NIT2: variants seen among roughly 807,000 people sequenced by gnomAD.
NIT2 encodes omega-amidase NIT2.
NIT2 carries 46 observed loss-of-function variants against 42.7 expected under a neutral mutation model. The observed-to-expected ratio is 1.08, with a 90% CI of 0.85 to 1.38. The LOEUF is 1.38. Among genes scored for constraint, NIT2 ranks in the 40% most tolerant of loss-of-function variants. The pLI, the probability that NIT2 is intolerant of heterozygous loss-of-function variation, is 0.00. For missense variants in NIT2, 309 were observed against 342.5 expected, an observed-to-expected ratio of 0.90 and a Z score of 0.77; for synonymous variants, 123 against 121.9, an observed-to-expected ratio of 1.01 and a Z score of -0.06.
Position 100,341,094 on chromosome 3 carries a change from C to G in NIT2, c.269C>G (p.Ala90Gly). 6.2e-7 allele frequency: 1 copy of G among 1,612,918 alleles called. No individual in the cohort carries two copies. Among genetic ancestry groups the G allele is most frequent in the Non-Finnish European group, 8.5e-7 (1 of 1,178,982 alleles). The change falls in exon 4 of 10, where the codon GCT (alanine) becomes GGT (glycine). Residue 90 changes from alanine (A) to glycine (G), a missense_variant. Transcript: ENST00000394140. ...LIGGSIPEED[A>G]GKLYNTCAVF... ...AAAGGCTCTATCCCTGAAGAGGATG[C>G]TGGGAAATTATATAACACCTGTGCT... is the stretch of plus-strand genomic sequence containing the variant.
At position 100,360,666 on chromosome 3, in the gene NIT2, A is replaced by T. The variant is rs541843512; in HGVS notation, c.*5398A>T. The T allele has an allele frequency of 2.0e-5, 3 of 152,236 alleles. No individual in the cohort carries two copies. Among genetic ancestry groups the T allele is most frequent in the Admixed American group, 1.3e-4 (2 of 15,294 alleles). 9.4% of individuals were successfully genotyped at this position (152,236 alleles called of 1,614,324 possible). On this transcript the variant is annotated 3_prime_UTR_variant, in exon 10 of 10. Coordinates refer to ENST00000394140, the MANE Select transcript of NIT2 (RefSeq NM_020202.5). ...TGCATCATGCTGTTGTCTAAGGCAG[A>T]CACTGTAAAGCTCTACACTGCTGAA...
intron 3 of NIT2, 93 bp downstream of exon 3, chr3:100,340,028 G>A (rs2148881205): frequency 9.3e-7 from 1 of 1,080,520 alleles, no homozygotes; most frequent in African/African-American, 1.6e-5. Flanking sequence ...CCCTACTTGG[G>A]AAGCTTCAGC....
At position 100,356,928 on chromosome 3, in the gene NIT2, CTTCT is replaced by C. The variant is rs1031299433; in HGVS notation, c.*1664_*1667del. On this transcript the variant is annotated 3_prime_UTR_variant, in exon 10 of 10. Coordinates refer to ENST00000394140, the MANE Select transcript of NIT2 (RefSeq NM_020202.5). ...CAAAATCACTTGGAACTCAAAATTA[CTTCT>C]TTCACTCAAAATCACTCAAAATTAC... is the stretch of plus-strand genomic sequence containing the variant. 1 of 152,200 alleles carries C rather than the reference CTTCT, an allele frequency of 6.6e-6. No individual in the cohort carries two copies. The highest frequency in any genetic ancestry group is 2.4e-5 in the African/African-American group (1 of 41,442). 9.4% of individuals were successfully genotyped at this position (152,200 alleles called of 1,614,324 possible).
Position 100,355,244 on chromosome 3 carries a change from T to C in NIT2, c.807T>C (p.Tyr269=). The C allele has an allele frequency of 3.7e-6, 6 of 1,613,976 alleles. No homozygotes were observed. Among genetic ancestry groups the C allele is most frequent in the South Asian group, 2.2e-5 (2 of 91,064 alleles). The part of the protein sequence containing the change: ...PVFRQKRSDL[Y]AVEMKKP ...TTAGACAGAAGCGATCAGACCTCTA[T>C]GCTGTGGAGATGAAAAAGCCCTAAA... The change falls in exon 10 of 10, where the codon TAT becomes TAC. Residue 269 remains tyrosine, a synonymous_variant. Transcript: ENST00000394140.
rs909104559 is a variant in NIT2 at position 100,359,946 on chromosome 3, CTT to C, written c.*4679_*4680del. ...TTAATGCTTAGCACAATTTATTACT[CTT>C]GTTTCCATGGCACTACATTGTACTT... On this transcript the variant is annotated 3_prime_UTR_variant, in exon 10 of 10. Coordinates refer to ENST00000394140, the MANE Select transcript of NIT2 (RefSeq NM_020202.5). 3 of 152,210 alleles carry C rather than the reference CTT, an allele frequency of 2.0e-5. No individual in the cohort carries two copies. Among genetic ancestry groups the C allele is most frequent in the Non-Finnish European group, 2.9e-5 (2 of 68,042 alleles). The allele number at this position is 152,210 out of a possible 1,614,324, so 9.4% of individuals were successfully genotyped here.
At position 100,358,976 on chromosome 3, in the gene NIT2, C is replaced by T. The variant is rs1706348387; in HGVS notation, c.*3708C>T. 6.6e-6 allele frequency: 1 copy of T among 152,206 alleles called. No individual in the cohort carries two copies. Among genetic ancestry groups the T allele is most frequent in the African/African-American group, 2.4e-5 (1 of 41,452 alleles). 9.4% of individuals were successfully genotyped at this position (152,206 alleles called of 1,614,324 possible). On this transcript the variant is annotated 3_prime_UTR_variant, in exon 10 of 10. Transcript: ENST00000394140. The stretch of plus-strand genomic sequence containing the variant: ...TAAACAGGGGCTCTTCCTTATGCCT[C>T]ATAACCACCTGTGTGTGACAGTTTC...
intron 1 of NIT2, chr3:100,335,133 G>T (rs1042281171): frequency 2.7e-6 from 1 of 371,720 alleles, no homozygotes; most frequent in Non-Finnish European, 5.3e-6. Context: ...ACTCCCTTGG[G>T]TGTTTTCAAG....
Position 100,339,871 on chromosome 3 carries a change from T to C in NIT2, c.183T>C (p.Ile61=). ...ATTTTCCTGAATATGCAGAGAAAAT[T>C]CCTGGTGAATCCACACAGAAGCTTT... The part of the protein sequence containing the change: ...AKYFPEYAEK[I]PGESTQKLSE... The change falls in exon 3 of 10, where the codon ATT becomes ATC. Residue 61 remains isoleucine (I), a synonymous_variant. Transcript: ENST00000394140. The C allele has an allele frequency of 1.2e-6, 2 of 1,613,624 alleles. No individual in the cohort carries two copies. Among genetic ancestry groups the C allele is most frequent in the Non-Finnish European group, 1.7e-6 (2 of 1,179,624 alleles).
chr3:100,345,906 G>C, intron 5 of NIT2: 2 of 596,816 alleles, frequency 3.4e-6, no homozygotes, highest in Admixed American at 3.0e-5. Flanking sequence ...ACGGCTTCCA[G>C]AGTATACCTA....
At chr3:100,354,478 A>G (rs1321884249) in intron 8 of NIT2, among the ~76,000 whole-genome samples, 1 of 152,166 alleles carries the variant, frequency 6.6e-6, no homozygotes. Context: ...TAATCATCAG[A>G]TAACCACCGT....
At chr3:100,348,705 G>A in intron 6 of NIT2, 98 bp from the exon 7 acceptor site, 1 of 895,324 alleles carries the variant, frequency 1.1e-6, no homozygotes. Context: ...GTTTGGGAAA[G>A]TTTGAGTTCA....
chr3:100,342,549 G>A (rs1158518376), intron 4 of NIT2, among the ~76,000 whole-genome samples: 3 of 149,720 alleles, frequency 2.0e-5, no homozygotes, highest in African/African-American at 7.4e-5. Flanking sequence ...GTTGCCCTGG[G>A]AATTATCATA....
chr3:100,347,919 C>T (rs1706234487), intron 6 of NIT2, among the ~76,000 whole-genome samples: 1 of 151,482 alleles, frequency 6.6e-6, no homozygotes, highest in Non-Finnish European at 1.5e-5. Flanking sequence ...GAGACAGAGT[C>T]TCAATCTGTT....
chr3:100,353,777 C>CTT lies in NIT2; in HGVS notation c.684-982_684-981dup, dbSNP rs397728358. 2.5e-3 allele frequency among the ~76,000 whole-genome samples: 355 copies of CTT among 140,232 alleles called. 2 individuals are homozygous for CTT. The highest frequency in any genetic ancestry group is 6.0e-3 in the African/African-American group (227 of 37,804). 92.0% of individuals were successfully genotyped at this position (140,232 alleles called of 152,430 possible). A position where few individuals can be genotyped will look rare whatever the true frequency, so the allele number is the denominator to read the frequency against. On this transcript the variant is annotated intron_variant, in intron 8 of 9. Transcript: ENST00000394140. ...AGACACTGGAGATAGTTTCTTTTTTCTTTTTTTTTTTTTTGAGATGGAGTT... is the reference window on the plus strand; with the variant it reads ...AGACACTGGAGATAGTTTCTTTTTTCTTTTTTTTTTTTTTTTGAGATGGAGTT...
intron 4 of NIT2, among the ~76,000 whole-genome samples, 154 bp from the exon 5 acceptor site, chr3:100,345,431 G>C (rs1559824212): frequency 6.6e-6 from 1 of 152,204 alleles, no homozygotes; most frequent in East Asian, 1.9e-4. Flanking sequence ...TAAGGTGTCA[G>C]CCAGCTTGTG....
chr3:100,338,816 A>G (rs1706108185), intron 1 of NIT2, among the ~76,000 whole-genome samples: 1 of 152,198 alleles, frequency 6.6e-6, no homozygotes, highest in Admixed American at 6.5e-5. Flanking sequence ...ATCTCCAGAT[A>G]GATTTTAGAC....
At chr3:100,341,202 C>A (rs778985937) in intron 4 of NIT2, 41 bp downstream of exon 4, 2 of 1,460,208 alleles carry the variant, frequency 1.4e-6, no homozygotes, top group Non-Finnish European at 1.9e-6. Flanking sequence ...TATCTCTAAG[C>A]CAGCAACAAT....
Position 100,360,868 on chromosome 3 carries a change from A to ACTAT in NIT2, c.*5603_*5606dup, listed in dbSNP as rs1039049346. 1.2e-4 allele frequency: 19 copies of ACTAT among 152,210 alleles called. No individual in the cohort carries two copies. Among genetic ancestry groups the ACTAT allele is most frequent in the African/African-American group, 4.3e-4 (18 of 41,444 alleles). 9.4% of individuals were successfully genotyped at this position (152,210 alleles called of 1,614,324 possible). On this transcript the variant is annotated 3_prime_UTR_variant, in exon 10 of 10. Transcript: ENST00000394140. ...TCTGGATCATAGGACAGGTTTGTTT[A>ACTAT]CTATCTGATACAGTCAAAATAGTGT...
At position 100,360,249 on chromosome 3, in the gene NIT2, C is replaced by T. The variant is rs925960706; in HGVS notation, c.*4981C>T. ...CTGGGACGTGATGTAACTTCATATGCTGTAGAGCTGAATATTCATTTACTT... is the reference window on the plus strand; with the variant it reads ...CTGGGACGTGATGTAACTTCATATGTTGTAGAGCTGAATATTCATTTACTT... On this transcript the variant is annotated 3_prime_UTR_variant, in exon 10 of 10. Coordinates refer to ENST00000394140, the MANE Select transcript of NIT2 (RefSeq NM_020202.5). 1 of 152,238 alleles carries T rather than the reference C, an allele frequency of 6.6e-6. No homozygotes were observed. The highest frequency in any genetic ancestry group is 1.5e-5 in the Non-Finnish European group (1 of 68,076). 9.4% of individuals were successfully genotyped at this position (152,238 alleles called of 1,614,324 possible).
Sources: allele counts gnomAD v4.1 joint callset (sites outside exome capture counted in the v4.1 genomes callset), GRCh38; gene constraint gnomAD v4.1.1; transcripts MANE v1.5; gene names NCBI Gene and HGNC (gene_info 2026-07-23, HGNC 2026-07-21).